Variants in PCNX2 observed in about 807,000 individuals in gnomAD.
The protein encoded by PCNX2 is pecanex 2.
Under a neutral mutation model 223.8 loss-of-function variants are expected in PCNX2, and 168 were observed. The ratio of observed to expected loss-of-function variants is 0.75; its 90% CI spans 0.66 to 0.85. The LOEUF (loss-of-function observed/expected upper bound fraction) is 0.85, where lower values mean the gene tolerates loss of function less well. PCNX2 is among the 40% of genes least tolerant of loss of function. The probability of loss-of-function intolerance (pLI) is 0.00; values close to 1 mark genes in which losing one functional copy is unlikely to be tolerated. For missense variants in PCNX2, 2,507 were observed against 2,675.5 expected, an observed-to-expected ratio of 0.94 and a Z score of 1.39; for synonymous variants, 1,006 against 1,052.6, an observed-to-expected ratio of 0.96 and a Z score of 0.86.
chr1:232,986,534 C>A lies in PCNX2; in HGVS notation c.5798G>T (p.Arg1933Met). 6.6e-7 allele frequency: 1 copy of A among 1,522,734 alleles called. No individual in the cohort carries two copies. 94.3% of individuals were successfully genotyped at this position (1,522,734 alleles called of 1,614,324 possible). A position where few individuals can be genotyped will look rare whatever the true frequency, so the allele number is the denominator to read the frequency against. ...SCEGTQRTGR[R>M]KGRSQSVQAH... The stretch of plus-strand genomic sequence containing the variant: ...CTGCACGGACTGGCTCCTGCCTTTC[C>A]TCCTGCCTTTAAAAGAAAGCAGAAC... The change falls in exon 33 of 34, where the codon AGG becomes ATG. Residue 1933 changes from arginine to methionine, a missense_variant. Physicochemically the swap from Arg to Met is moderately conservative, Grantham distance 91 (BLOSUM62 -1). This residue lies in a region of PCNX2 where 1,372 missense variants were observed against 1,509.4 expected (regional missense o/e 0.91). Transcript: ENST00000258229.
intron 10 of PCNX2, among the ~76,000 whole-genome samples, chr1:233,219,673 C>G (rs751736387): frequency 1.3e-5 from 2 of 152,128 alleles, no homozygotes; most frequent in Non-Finnish European, 2.9e-5. Flanking sequence ...TTGTGATTCA[C>G]AGCAAAACTG....
At chr1:233,212,614 C>A (rs1681880167) in intron 12 of PCNX2, among the ~76,000 whole-genome samples, 1 of 152,198 alleles carries the variant, frequency 6.6e-6, no homozygotes, top group African/African-American at 2.4e-5. Context: ...GCACTCCACT[C>A]CGCTATCTCC....
At position 233,157,594 on chromosome 1, in the gene PCNX2, T is replaced by C. The variant is rs375080399; in HGVS notation, c.3517+2689A>G. 2.6e-4 allele frequency among the ~76,000 whole-genome samples: 39 copies of C among 152,282 alleles called. 1 individual carries two copies. Among genetic ancestry groups the C allele is most frequent in the East Asian group, 1.7e-3 (9 of 5,174 alleles). On this transcript the variant is annotated intron_variant, in intron 19 of 33. Transcript: ENST00000258229. ...TTCTGTGCTCCTATGAGAAAGAATA[T>C]GTGAGCATCACTTTCACATGAAAAG...
chr1:233,053,403 T>C (rs1337355264), intron 25 of PCNX2, among the ~76,000 whole-genome samples: 2 of 152,126 alleles, frequency 1.3e-5, no homozygotes, highest in African/African-American at 2.4e-5. Context: ...CTCACCCTCA[T>C]CCTCTGCAGT....
In PCNX2 at chr1:233,000,604, A is replaced by T; in HGVS notation, c.5098-69T>A. 1.5e-6 allele frequency: 2 copies of T among 1,297,994 alleles called. No individual in the cohort carries two copies. The highest frequency in any genetic ancestry group is 2.1e-6 in the Non-Finnish European group (2 of 935,490). The allele number at this position is 1,297,994 out of a possible 1,614,324, so 80.4% of individuals were successfully genotyped here. Reference sequence around the variant, plus strand: ...GAACTCACCCCCAGGAAGCATGCAGATGGCAACTGGCCAGTGACCTCCAAA... The same window carrying T: ...GAACTCACCCCCAGGAAGCATGCAGTTGGCAACTGGCCAGTGACCTCCAAA... On this transcript the variant is annotated intron_variant, in intron 29 of 33. Transcript: ENST00000258229. This position sits in a 1 kb window ranked among gnomAD's most constrained non-coding sequence, Gnocchi z 4.6.
intron 15 of PCNX2, chr1:233,180,820 A>C (rs1247768804): frequency 7.9e-5 from 12 of 152,166 alleles, no homozygotes; most frequent in Non-Finnish European, 1.5e-5. Context: ...TCAGGAAGTA[A>C]GACTCACTGC....
chr1:233,021,034 A>C (rs922543856), intron 26 of PCNX2, among the ~76,000 whole-genome samples: 3 of 150,170 alleles, frequency 2.0e-5, no homozygotes, highest in African/African-American at 7.4e-5. Flanking sequence ...GCCAAAGAAG[A>C]AAATCATCTT....
intron 1 of PCNX2, among the ~76,000 whole-genome samples, chr1:233,275,514 A>G (rs1660860621): frequency 6.6e-6 from 1 of 152,104 alleles, no homozygotes; most frequent in African/African-American, 2.4e-5. Flanking sequence ...GAATAAATGA[A>G]TACTCTTATA....
intron 24 of PCNX2, 90 bp downstream of exon 24, chr1:233,057,142 A>G: frequency 9.1e-7 from 1 of 1,099,616 alleles, no homozygotes; most frequent in East Asian, 2.6e-5. Context: ...TGTCTCCACA[A>G]TGAGTACAGA....
chr1:233,108,071 G>A (rs1474269465), intron 21 of PCNX2, among the ~76,000 whole-genome samples: 1 of 152,192 alleles, frequency 6.6e-6, no homozygotes, highest in East Asian at 1.9e-4. Flanking sequence ...AAAAAGGGGA[G>A]ACATGAATAT....
intron 21 of PCNX2, among the ~76,000 whole-genome samples, chr1:233,117,763 C>T (rs1372042222): frequency 6.6e-6 from 1 of 151,834 alleles, no homozygotes; most frequent in African/African-American, 2.4e-5. Context: ...GTAATCCCAG[C>T]ACTTTGGGAG....
At chr1:233,132,892 CTTTTTTT>C (rs892121349) in intron 21 of PCNX2, among the ~76,000 whole-genome samples, 3 of 114,858 alleles carry the variant, frequency 2.6e-5, no homozygotes, top group Non-Finnish European at 5.3e-5. Flanking sequence ...CATTTTACAT[CTTTTTTT>C]TTTTTTTTTT....
chr1:233,171,893 A>T (rs1679172719), intron 17 of PCNX2, among the ~76,000 whole-genome samples: 1 of 151,590 alleles, frequency 6.6e-6, no homozygotes, highest in Non-Finnish European at 1.5e-5. Flanking sequence ...TTTGTCAATT[A>T]GTGTTATGTT....
At chr1:233,284,917 G>A (rs1481294965) in intron 1 of PCNX2, 2 of 957,932 alleles carry the variant, frequency 2.1e-6, no homozygotes, top group Non-Finnish European at 2.5e-6. Flanking sequence ...AGGGTCATGG[G>A]GGGGATGATA....
chr1:233,112,709 T>TGGAAGA, intron 21 of PCNX2: 1 of 567,774 alleles, frequency 1.8e-6, no homozygotes, highest in South Asian at 4.2e-5. Flanking sequence ...GTGTAGATCT[T>TGGAAGA]TGAACAATAT....
intron 28 of PCNX2, among the ~76,000 whole-genome samples, chr1:233,008,988 C>T (rs1399665578): frequency 2.0e-5 from 3 of 152,202 alleles, no homozygotes; most frequent in Non-Finnish European, 4.4e-5. Context: ...CGTTCCTGCA[C>T]AGCAGATGGA....
At chr1:233,051,086 A>G (rs545230546) in intron 25 of PCNX2, among the ~76,000 whole-genome samples, 1 of 152,368 alleles carries the variant, frequency 6.6e-6, no homozygotes, top group East Asian at 1.9e-4. Context: ...GCTCAACATC[A>G]CTAATCATCA....
chr1:233,017,008 G>A lies in PCNX2; in HGVS notation c.4752C>T (p.Tyr1584=), dbSNP rs575594777. The A allele has an allele frequency of 5.2e-5, 84 of 1,613,952 alleles. No homozygotes were observed. In the South Asian group the frequency reaches 6.9e-4, roughly 13 times the overall value. The change falls in exon 27 of 34, where the codon TAC becomes TAT. Residue 1584 remains tyrosine, a synonymous_variant. Coordinates refer to ENST00000258229, the MANE Select transcript of PCNX2 (RefSeq NM_014801.4). ...GTGTGATCCCCTGGAGACACGGGAC[G>A]TAGTCATCATCAATGTTAATGTTGA... ...AMFNINIDDD[Y]VPCLQGITRA...
chr1:233,263,202 T>G (rs903718698), intron 1 of PCNX2, 39 bp from the exon 2 acceptor site: 6 of 1,477,348 alleles, frequency 4.1e-6, no homozygotes, highest in Non-Finnish European at 5.5e-6. Context: ...CATTTGCTTT[T>G]AAGATTTTCT....
Sources: allele counts gnomAD v4.1 joint callset (sites outside exome capture counted in the v4.1 genomes callset), GRCh38; gene constraint gnomAD v4.1.1; regional missense constraint gnomAD v4.1.1; non-coding constraint Gnocchi (gnomAD v3.1); transcripts MANE v1.5; gene names NCBI Gene and HGNC (gene_info 2026-07-23, HGNC 2026-07-21).